The following MLKL variants were observed in gnomAD, a reference collection of about 807,000 sequenced individuals.
The protein encoded by MLKL is mixed lineage kinase domain like pseudokinase.
Under a neutral mutation model 56.5 loss-of-function variants are expected in MLKL, and 55 were observed. The ratio of observed to expected loss-of-function variants is 0.97; its 90% CI spans 0.78 to 1.22. The LOEUF (loss-of-function observed/expected upper bound fraction) is 1.22, where lower values mean the gene tolerates loss of function less well. Ranked by LOEUF, MLKL falls within the 50% of genes most tolerant of loss-of-function variation. The pLI is 0.00. For missense variants in MLKL, 694 were observed against 573.9 expected (o/e 1.21, Z -2.14); for synonymous variants, 251 against 208.3 (o/e 1.20, Z -1.76).
chr16:74,690,362 T>C (rs767845093), intron 4 of MLKL, among the ~76,000 whole-genome samples: 1 of 152,102 alleles, frequency 6.6e-6, no homozygotes, highest in Non-Finnish European at 1.5e-5. Flanking sequence ...TATACACATA[T>C]CCCATGGCCC....
At chr16:74,699,136 A>C (rs543212129) in intron 1 of MLKL, among the ~76,000 whole-genome samples, 42 of 152,234 alleles carry the variant, frequency 2.8e-4, no homozygotes, top group African/African-American at 8.9e-4. Context: ...AAAACAAAAA[A>C]AAAGAAAGAA....
intron 1 of MLKL, among the ~76,000 whole-genome samples, chr16:74,698,339 G>A (rs1329535105): frequency 6.6e-6 from 1 of 152,098 alleles, no homozygotes; most frequent in Non-Finnish European, 1.5e-5. Flanking sequence ...GCAGCTTGGA[G>A]AAAATAATTG....
At chr16:74,684,191 A>G (rs1960173599) in intron 5 of MLKL, among the ~76,000 whole-genome samples, 1 of 151,666 alleles carries the variant, frequency 6.6e-6, no homozygotes, top group Non-Finnish European at 1.5e-5. Flanking sequence ...CAGGTGATCC[A>G]CCTACCTTGG....
rs762558431 is a variant in MLKL, at chr16:74,692,393, G to A, written c.484C>T (p.Leu162=). The change falls in exon 3 of 11, where the codon CTG becomes TTG. Residue 162 remains leucine (L), a synonymous_variant. Coordinates refer to ENST00000308807, the MANE Select transcript of MLKL (RefSeq NM_152649.4). ...RRDNEKIEAS[L]RRLEINMKEI... is the part of the protein sequence containing the mutation. ...TTCATGTTGATTTCTAATCGTCTCA[G>A]TGAAGCTTCTATTTTTTCATTATCT... 5 of 1,613,594 alleles carry A rather than the reference G, an allele frequency of 3.1e-6. No individual in the cohort carries two copies. In the South Asian group the frequency reaches 3.3e-5, roughly 11 times the overall value.
intron 7 of MLKL, 48 bp from the exon 8 acceptor site, chr16:74,675,812 A>G: frequency 6.3e-7 from 1 of 1,590,480 alleles, no homozygotes; most frequent in Non-Finnish European, 8.6e-7. Flanking sequence ...TCTTGGGTAG[A>G]GGAGTAAAGG....
intron 2 of MLKL, among the ~76,000 whole-genome samples, chr16:74,692,921 A>G (rs1415165497): frequency 1.3e-5 from 2 of 152,184 alleles, no homozygotes; most frequent in Non-Finnish European, 2.9e-5. Context: ...AATTTATAAC[A>G]CACTATTTAC....
rs1176417737 is a variant in MLKL, at chr16:74,678,957, T to G, written c.980A>C (p.Glu327Ala). Residue 327 changes from glutamate to alanine, a missense_variant, in exon 7 of 11, where the codon GAA becomes GCA. Glu to Ala is a moderately radical substitution (Grantham distance 107). Coordinates refer to ENST00000308807, the MANE Select transcript of MLKL (RefSeq NM_152649.4). ...LYRLHHSEAP[E>A]LHGKIRSSNF... is the part of the protein sequence containing the mutation. Reference sequence around the variant, plus strand: ...TGAGCTTCTGATTTTTCCGTGGAGTTCAGGTGCTTCTGAATGGTGTAGCCT... The same window carrying G: ...TGAGCTTCTGATTTTTCCGTGGAGTGCAGGTGCTTCTGAATGGTGTAGCCT... 1 of 1,614,082 alleles carries G rather than the reference T, an allele frequency of 6.2e-7. No homozygotes were observed. Among genetic ancestry groups the G allele is most frequent in the South Asian group, 1.1e-5 (1 of 91,080 alleles).
chr16:74,691,478 G>C lies in MLKL; in HGVS notation c.536-15C>G, dbSNP rs756348632. The C allele has an allele frequency of 3.7e-6, 6 of 1,603,390 alleles. No individual in the cohort carries two copies. The highest frequency in any genetic ancestry group is 2.2e-5 in the South Asian group (2 of 90,702). On this transcript the variant is annotated splice_polypyrimidine_tract_variant and intron_variant, in intron 3 of 10. Transcript: ENST00000308807. ...TGGTGGTAAATCTGACCTCACCCCC[G>C]AGAGGAAAGAAGACAAAAGAGTCAA...
At chr16:74,685,686 C>T (rs1488339281) in intron 4 of MLKL, 103 bp from the exon 5 acceptor site, 1 of 840,736 alleles carries the variant, frequency 1.2e-6, no homozygotes, top group Non-Finnish European at 2.0e-6. Flanking sequence ...GGGGTATCAG[C>T]ATCTGGGGTG....
At chr16:74,673,705 CAAG>C (rs1012622317) in intron 10 of MLKL, among the ~76,000 whole-genome samples, 1 of 150,974 alleles carries the variant, frequency 6.6e-6, no homozygotes, top group Non-Finnish European at 1.5e-5. Flanking sequence ...GGAAGGCAGA[CAAG>C]GAGGGAGGAA....
chr16:74,673,082 A>G (rs957280602), intron 10 of MLKL, among the ~76,000 whole-genome samples: 1 of 152,192 alleles, frequency 6.6e-6, no homozygotes, highest in African/African-American at 2.4e-5. Context: ...AGGTAGTGTG[A>G]GAGGTTTTCC....
chr16:74,673,250 C>T (rs1011526904), intron 10 of MLKL, among the ~76,000 whole-genome samples: 2 of 152,130 alleles, frequency 1.3e-5, no homozygotes, highest in Non-Finnish European at 2.9e-5. Flanking sequence ...CAGAGTCTTG[C>T]TCTGTCACCC....
At chr16:74,699,136 A>AAAAG (rs1209857345) in intron 1 of MLKL, among the ~76,000 whole-genome samples, 4 of 152,116 alleles carry the variant, frequency 2.6e-5, no homozygotes, top group Admixed American at 2.6e-4. Flanking sequence ...AAAACAAAAA[A>AAAAG]AAAGAAAGAA....
chr16:74,685,962 C>A (rs1324602248), intron 4 of MLKL, among the ~76,000 whole-genome samples: 1 of 142,296 alleles, frequency 7.0e-6, no homozygotes, highest in South Asian at 2.2e-4. Context: ...TGGTGTGTGT[C>A]TTTTTTTTTT....
intron 7 of MLKL, chr16:74,677,915 G>C (rs1175097681): frequency 2.0e-5 from 3 of 152,158 alleles, no homozygotes; most frequent in Admixed American, 6.6e-5. Context: ...CCTGACCTCA[G>C]GTGATCCACC....
At chr16:74,677,226 G>A (rs536919850) in intron 7 of MLKL, 1 of 152,160 alleles carries the variant, frequency 6.6e-6, no homozygotes, top group Non-Finnish European at 1.5e-5. Context: ...CCAATTTTTT[G>A]TATTGTTTAG....
In MLKL at chr16:74,675,022, T is replaced by C. The variant is rs781303255; in HGVS notation, c.1319A>G (p.Glu440Gly). 6.2e-7 allele frequency: 1 copy of C among 1,614,024 alleles called. No individual in the cohort carries two copies. Among genetic ancestry groups the C allele is most frequent in the African/African-American group, 1.3e-5 (1 of 74,912 alleles). ...QEPLGEDCPS[E>G]LREIIDECRA... The stretch of plus-strand genomic sequence containing the variant: ...GCACTCATCAATGATCTCCCGCAGC[T>C]CTGAAGGGCAGTCTTCACCCAGTGG... The change falls in exon 10 of 11, where the codon GAG becomes GGG. Residue 440 changes from glutamate to glycine, a missense_variant. Transcript: ENST00000308807.
chr16:74,697,172 C>G (rs1482899381), intron 1 of MLKL, among the ~76,000 whole-genome samples: 1 of 151,804 alleles, frequency 6.6e-6, no homozygotes, highest in Non-Finnish European at 1.5e-5. Flanking sequence ...CAGCTTCCTA[C>G]TCTTAACCTC....
Position 74,672,412 on chromosome 16 carries a change from C to A in MLKL, c.*92G>T, listed in dbSNP as rs1959283832. ...GCCCACTCCTTGCACCCATAGATAA[C>A]CCAATGCCGAAGGATATGAGAGAGA... On this transcript the variant is annotated 3_prime_UTR_variant, in exon 11 of 11. Coordinates refer to ENST00000308807, the MANE Select transcript of MLKL (RefSeq NM_152649.4). 1 of 1,237,066 alleles carries A rather than the reference C, an allele frequency of 8.1e-7. No individual in the cohort carries two copies. The highest frequency in any genetic ancestry group is 1.2e-6 in the Non-Finnish European group (1 of 849,366). The allele number at this position is 1,237,066 out of a possible 1,614,324, so 76.6% of individuals were successfully genotyped here.
Sources: gnomAD v4.1 joint callset for allele counts (sites outside exome capture counted in the v4.1 genomes callset) on GRCh38, gnomAD v4.1.1 for gene constraint, MANE v1.5 for transcripts, NCBI Gene and HGNC (gene_info 2026-07-23, HGNC 2026-07-21) for gene names.